Variants in LRRTM4 observed in about 807,000 individuals in gnomAD.
The protein encoded by LRRTM4 is leucine rich repeat transmembrane neuronal 4, also known as leucine-rich repeat transmembrane neuronal protein 4.
Under a neutral mutation model 47.6 loss-of-function variants are expected in LRRTM4, and 25 were observed. The ratio of observed to expected loss-of-function variants is 0.53; its 90% CI spans 0.38 to 0.73. LRRTM4 has a LOEUF of 0.73. LRRTM4 is among the 30% of genes least tolerant of loss of function. The probability of loss-of-function intolerance (pLI) is 0.00; values close to 1 mark genes in which losing one functional copy is unlikely to be tolerated. For missense variants in LRRTM4, 638 were observed against 713.4 expected, an observed-to-expected ratio of 0.89 and a Z score of 1.20; for synonymous variants, 311 against 269.5, an observed-to-expected ratio of 1.15 and a Z score of -1.51.
chr2:77,471,725 C>T (rs1038035389), intron 3 of LRRTM4, among the ~76,000 whole-genome samples: 1 of 152,166 alleles, frequency 6.6e-6, no homozygotes, highest in Non-Finnish European at 1.5e-5. Flanking sequence ...TAGCTTATTA[C>T]AGTGATCTGT....
At chr2:77,474,269 G>A (rs932648611) in intron 3 of LRRTM4, among the ~76,000 whole-genome samples, 73 of 152,140 alleles carry the variant, frequency 4.8e-4, no homozygotes, top group African/African-American at 1.7e-3. Flanking sequence ...ATGGCTGATA[G>A]AAAAAAACAA....
At chr2:77,105,774 G>A (rs1298945746) in intron 3 of LRRTM4, among the ~76,000 whole-genome samples, 4 of 152,194 alleles carry the variant, frequency 2.6e-5, no homozygotes, top group Non-Finnish European at 5.9e-5. Flanking sequence ...GATCATAGAT[G>A]AAATAAGTTT....
chr2:76,992,188 G>T (rs112601450), intron 3 of LRRTM4, among the ~76,000 whole-genome samples: 2,160 of 151,846 alleles, frequency 0.014, 41 homozygotes, highest in African/African-American at 0.049. Context: ...CATAATGGGT[G>T]GGCAAATGCT....
At chr2:76,770,918 C>T (rs1446159770) in intron 3 of LRRTM4, among the ~76,000 whole-genome samples, 1 of 152,152 alleles carries the variant, frequency 6.6e-6, no homozygotes, top group African/African-American at 2.4e-5. Context: ...TTAGCCTTTT[C>T]TCTGTAATCC....
intron 3 of LRRTM4, among the ~76,000 whole-genome samples, chr2:77,040,498 A>G (rs1277640892): frequency 3.3e-5 from 5 of 151,456 alleles, no homozygotes; most frequent in African/African-American, 1.2e-4. Context: ...AAACAAGGTC[A>G]TCAAGCTTGT....
rs183650208 is a variant in LRRTM4, at chr2:77,033,923, C to T, written c.1552-285007G>A. Among the ~76,000 whole-genome samples, 340 of 151,780 alleles carry T rather than the reference C, an allele frequency of 2.2e-3. 1 individual carries two copies. The highest frequency in any genetic ancestry group is 7.8e-3 in the African/African-American group (323 of 41,474). On this transcript the variant is annotated intron_variant, in intron 3 of 3. Coordinates refer to ENST00000409884, the MANE Select transcript of LRRTM4 (RefSeq NM_001134745.3). ...ATAGTTTTATATGTTCCTTACTTTGCGAGCTGTAAGCAAAGGACCAGAATA... is the reference window on the plus strand; with the variant it reads ...ATAGTTTTATATGTTCCTTACTTTGTGAGCTGTAAGCAAAGGACCAGAATA...
chr2:77,442,862 A>C (rs1473616060), intron 3 of LRRTM4, among the ~76,000 whole-genome samples: 1 of 152,188 alleles, frequency 6.6e-6, no homozygotes, highest in East Asian at 1.9e-4. Context: ...GACTGAGTCA[A>C]AGATTTTAAC....
chr2:77,345,947 GA>G (rs1316910964), intron 3 of LRRTM4, among the ~76,000 whole-genome samples: 1 of 151,442 alleles, frequency 6.6e-6, no homozygotes, highest in African/African-American at 2.4e-5. Context: ...CATAAACATT[GA>G]AAACAGTCCA....
intron 3 of LRRTM4, among the ~76,000 whole-genome samples, chr2:76,806,226 C>T (rs750999972): frequency 1.3e-5 from 2 of 152,050 alleles, no homozygotes; most frequent in Non-Finnish European, 2.9e-5. Context: ...AAAAGTGGAA[C>T]CTACCTTAAA....
intron 3 of LRRTM4, among the ~76,000 whole-genome samples, chr2:76,830,890 A>G (rs975164285): frequency 6.6e-6 from 1 of 152,030 alleles, no homozygotes; most frequent in Non-Finnish European, 1.5e-5. Context: ...TTTATCTCTG[A>G]CCTAATAAAG....
At chr2:76,752,997 G>T (rs1393815591) in intron 3 of LRRTM4, among the ~76,000 whole-genome samples, 1 of 152,136 alleles carries the variant, frequency 6.6e-6, no homozygotes, top group Non-Finnish European at 1.5e-5. Flanking sequence ...GATAATGGAT[G>T]TGGAGCACAG....
chr2:76,900,196 T>A (rs1673575850), intron 3 of LRRTM4, among the ~76,000 whole-genome samples: 1 of 152,086 alleles, frequency 6.6e-6, no homozygotes, highest in Non-Finnish European at 1.5e-5. Flanking sequence ...ATCACACCAC[T>A]GCACTCCAGT....
At chr2:76,845,411 G>A (rs1671809767) in intron 3 of LRRTM4, among the ~76,000 whole-genome samples, 1 of 152,134 alleles carries the variant, frequency 6.6e-6, no homozygotes, top group East Asian at 1.9e-4. Flanking sequence ...AGAATTGGAT[G>A]AATCCAGGAG....
At chr2:76,937,521 C>A (rs542691340) in intron 3 of LRRTM4, among the ~76,000 whole-genome samples, 1 of 152,256 alleles carries the variant, frequency 6.6e-6, no homozygotes, top group African/African-American at 2.4e-5. Context: ...TTAATGTAGG[C>A]ATTAGGCAAG....
In LRRTM4 at chr2:77,458,261, A is replaced by G. The variant is rs544344128; in HGVS notation, c.1551+60057T>C. Among the ~76,000 whole-genome samples, 16 of 152,220 alleles carry G rather than the reference A, an allele frequency of 1.1e-4. No homozygotes were observed. The South Asian group carries it at 3.3e-3, about 32-fold the overall frequency. Reference sequence around the variant, plus strand: ...GAAGAACAAATTTTAGAGTTCCTCTATTTTCACTTGCCAGCATGGAGTAAC... The same window carrying G: ...GAAGAACAAATTTTAGAGTTCCTCTGTTTTCACTTGCCAGCATGGAGTAAC... On this transcript the variant is annotated intron_variant, in intron 3 of 3. Transcript: ENST00000409884.
chr2:77,492,649 AT>A (rs1443170638), intron 3 of LRRTM4, among the ~76,000 whole-genome samples: 1 of 152,164 alleles, frequency 6.6e-6, no homozygotes, highest in Non-Finnish European at 1.5e-5. Context: ...CAACGCATAT[AT>A]AAAAACCTAT....
chr2:77,366,392 C>T (rs1672462029), intron 3 of LRRTM4, among the ~76,000 whole-genome samples: 1 of 151,848 alleles, frequency 6.6e-6, no homozygotes, highest in African/African-American at 2.4e-5. Context: ...TAATCACTCA[C>T]TACTCAAATA....
intron 3 of LRRTM4, among the ~76,000 whole-genome samples, chr2:77,386,578 G>T (rs1391627376): frequency 6.6e-6 from 1 of 152,158 alleles, no homozygotes; most frequent in Non-Finnish European, 1.5e-5. Context: ...ACATACATGT[G>T]CATGTGTCTT....
intron 3 of LRRTM4, among the ~76,000 whole-genome samples, chr2:77,473,845 C>G (rs982383944): frequency 6.6e-6 from 1 of 152,074 alleles, no homozygotes; most frequent in Non-Finnish European, 1.5e-5. Context: ...TCTCCATTTT[C>G]TTTGGCAGGT....
Sources: gnomAD v4.1 joint callset for allele counts (sites outside exome capture counted in the v4.1 genomes callset) on GRCh38, gnomAD v4.1.1 for gene constraint, MANE v1.5 for transcripts, NCBI Gene and HGNC (gene_info 2026-07-23, HGNC 2026-07-21) for gene names.